Variants in MAOA observed in about 807,000 individuals in gnomAD.
MAOA encodes the protein monoamine oxidase A, also known as amine oxidase [flavin-containing] A.
A neutral mutation model predicts 42.0 loss-of-function variants in MAOA; 6 were observed. The observed-to-expected ratio is 0.14, with a 90% CI of 0.08 to 0.28. MAOA has a LOEUF of 0.28. MAOA is among the 10% of genes least tolerant of loss of function. The pLI, the probability that MAOA is intolerant of heterozygous loss-of-function variation, is 1.00. For synonymous variants in MAOA, 140 were observed against 154.0 expected, an observed-to-expected ratio of 0.91 and a Z score of 0.67; for missense variants, 262 against 422.3, an observed-to-expected ratio of 0.62 and a Z score of 3.33.
intron 9 of MAOA, among the ~76,000 whole-genome samples, chrX:43,735,168 A>G (rs1386119509): frequency 6.2e-5 from 7 of 112,145 alleles, no homozygotes; most frequent in African/African-American, 2.3e-4. Context: ...TGCCAATCCA[A>G]TTTGAGGAAC....
chrX:43,704,579 A>C (rs1208685841), intron 3 of MAOA, among the ~76,000 whole-genome samples: 1 of 111,547 alleles, frequency 9.0e-6, no homozygotes, highest in African/African-American at 3.2e-5. Context: ...AATCAGGAGC[A>C]AGACAAAGAT....
At chrX:43,725,996 G>T (rs890876411) in intron 5 of MAOA, among the ~76,000 whole-genome samples, 1 of 111,572 alleles carries the variant, frequency 9.0e-6, no homozygotes, top group Admixed American at 9.5e-5. Context: ...TTGAATATTG[G>T]CCCCCACTCT....
chrX:43,667,279 A>G (rs1003730985), intron 1 of MAOA, among the ~76,000 whole-genome samples: 6 of 111,108 alleles, frequency 5.4e-5, no homozygotes, highest in African/African-American at 1.6e-4. Context: ...TATTTCCTTA[A>G]TAGTTCCTAA....
chrX:43,688,597 C>T (rs1301111873), intron 2 of MAOA, among the ~76,000 whole-genome samples: 1 of 112,070 alleles, frequency 8.9e-6, no homozygotes, highest in East Asian at 2.8e-4. Flanking sequence ...CCTTGAGGCT[C>T]GCTTTATAAC....
At chrX:43,740,606 A>T in intron 10 of MAOA, 75 bp from the exon 11 acceptor site, 1 of 897,126 alleles carries the variant, frequency 1.1e-6, no homozygotes, top group Non-Finnish European at 1.5e-6. Context: ...TCTAGAACTC[A>T]CTGTATTTAT....
At chrX:43,676,229 G>A (rs2033394239) in intron 1 of MAOA, among the ~76,000 whole-genome samples, 1 of 111,905 alleles carries the variant, frequency 8.9e-6, no homozygotes, top group African/African-American at 3.2e-5. Context: ...AGACGCCATG[G>A]GCGTAGGACC....
intron 2 of MAOA, among the ~76,000 whole-genome samples, chrX:43,690,941 G>A (rs1184537631): frequency 9.1e-6 from 1 of 110,257 alleles, no homozygotes; most frequent in Non-Finnish European, 1.9e-5. Context: ...CCAAAGAAGG[G>A]GTAAAAAGGG....
chrX:43,731,347 G>A lies in MAOA; in HGVS notation c.752G>A (p.Ser251Asn). The A allele has an allele frequency of 1.7e-6, 2 of 1,210,737 alleles. No individual in the cohort carries two copies. The highest frequency in any genetic ancestry group is 2.2e-6 in the Non-Finnish European group (2 of 894,329). The change falls in exon 7 of 15, where the codon AGT (serine) becomes AAT (asparagine). Residue 251 changes from serine (S) to asparagine (N), a missense_variant. By Grantham distance (46) the Ser-to-Asn change is conservative. Around this residue, in one of 3 missense-constraint regions of MAOA, gnomAD observed 86 missense variants for 190.3 expected, o/e 0.45. Transcript: ENST00000338702. ...CCTGTCACTCACGTTGACCAGTCAAGTGACAACATCATCATAGAGACGCTG... is the reference window on the plus strand; with the variant it reads ...CCTGTCACTCACGTTGACCAGTCAAATGACAACATCATCATAGAGACGCTG... ...NHPVTHVDQS[S>N]DNIIIETLNH...
upstream of MAOA, chrX:43,656,285 C>G (rs953934173): frequency 1.0e-5 from 11 of 1,083,471 alleles, no homozygotes; most frequent in Admixed American, 2.4e-4. Context: ...AGGGTCCTTC[C>G]CACCCTTTGC....
At chrX:43,662,309 A>C (rs1238794203) in intron 1 of MAOA, among the ~76,000 whole-genome samples, 1 of 111,333 alleles carries the variant, frequency 9.0e-6, no homozygotes, top group Non-Finnish European at 1.9e-5. Context: ...TTTACTTCAT[A>C]AACTTTTTAA....
intron 1 of MAOA, chrX:43,657,782 G>A (rs1363215398): frequency 4.8e-5 from 15 of 311,957 alleles, no homozygotes; most frequent in Non-Finnish European, 5.9e-5. Context: ...TAAATCTTTC[G>A]AGGAGACTCT....
chrX:43,743,679 T>G (rs1056150270), intron 12 of MAOA, 115 bp from the exon 13 acceptor site: 1 of 937,615 alleles, frequency 1.1e-6, no homozygotes, highest in African/African-American at 2.0e-5. Flanking sequence ...TACGGGTGTT[T>G]TTTAAACAGT....
At chrX:43,688,516 C>G (rs2033506753) in intron 2 of MAOA, among the ~76,000 whole-genome samples, 1 of 111,926 alleles carries the variant, frequency 8.9e-6, no homozygotes, top group Non-Finnish European at 1.9e-5. Context: ...ATTTCTACAC[C>G]TGGAATGTTT....
chrX:43,736,126 T>G (rs2147105025), intron 9 of MAOA, 101 bp from the exon 10 acceptor site: 11 of 582,047 alleles, frequency 1.9e-5, no homozygotes, highest in Middle Eastern at 6.7e-4. Flanking sequence ...AGAGTTCATT[T>G]CATGCTGAAT....
At chrX:43,736,670 T>C (rs2147105254) in intron 10 of MAOA, among the ~76,000 whole-genome samples, 2 of 112,170 alleles carry the variant, frequency 1.8e-5, no homozygotes, top group East Asian at 5.6e-4. Context: ...GCAACTTTTG[T>C]ACATGAAAAT....
chrX:43,656,620 T>TTAC (rs1411885774), intron 1 of MAOA, among the ~76,000 whole-genome samples: 2 of 111,174 alleles, frequency 1.8e-5, no homozygotes, highest in Non-Finnish European at 3.8e-5. Context: ...CACAATAATT[T>TTAC]TACTACTACT....
In MAOA at chrX:43,744,733, C is replaced by G. The variant is rs1363238636; in HGVS notation, c.*220C>G. Reference sequence around the variant, plus strand: ...TCTTATTTGTCAGTGTAGATCAACTCATGTTAATTGATAGAATAAAGCCTT... The same window carrying G: ...TCTTATTTGTCAGTGTAGATCAACTGATGTTAATTGATAGAATAAAGCCTT... On this transcript the variant is annotated 3_prime_UTR_variant, in exon 15 of 15. Coordinates refer to ENST00000338702, the MANE Select transcript of MAOA (RefSeq NM_000240.4). 2.4e-6 allele frequency: 1 copy of G among 420,622 alleles called. No homozygotes were observed. The highest frequency in any genetic ancestry group is 4.1e-6 in the Non-Finnish European group (1 of 243,957). The allele number at this position is 420,622 out of a possible 1,213,427, so 34.7% of individuals were successfully genotyped here. A position where few individuals can be genotyped will look rare whatever the true frequency, so the allele number is the denominator to read the frequency against.
Position 43,721,608 on chromosome X carries a change from G to A in MAOA, c.504-6565G>A, listed in dbSNP as rs934178532. Among the ~76,000 whole-genome samples, 4 of 110,669 alleles carry A rather than the reference G, an allele frequency of 3.6e-5. No individual in the cohort carries two copies. In the Admixed American group the frequency reaches 3.9e-4, roughly 11 times the overall value. ...AGGGCTGTGGCAATGAAGATGGAGA[G>A]GAGAAGATGGGTATTGAAAGAAGCT... On this transcript the variant is annotated intron_variant, in intron 5 of 14. Coordinates refer to ENST00000338702, the MANE Select transcript of MAOA (RefSeq NM_000240.4).
chrX:43,725,034 A>G (rs2033820806), intron 5 of MAOA, among the ~76,000 whole-genome samples: 2 of 111,998 alleles, frequency 1.8e-5, no homozygotes, highest in Non-Finnish European at 3.8e-5. Context: ...CTGTGGTCTG[A>G]CAGACAGTTC....
Sources: allele counts gnomAD v4.1 joint callset (sites outside exome capture counted in the v4.1 genomes callset), GRCh38; gene constraint gnomAD v4.1.1; regional missense constraint gnomAD v4.1.1; transcripts MANE v1.5; gene names NCBI Gene and HGNC (gene_info 2026-07-23, HGNC 2026-07-21).